FHIT: variants seen among roughly 807,000 people sequenced by gnomAD.
FHIT encodes fragile histidine triad diadenosine triphosphatase.
Under a neutral mutation model 17.9 loss-of-function variants are expected in FHIT, and 19 were observed. The observed-to-expected ratio is 1.06, with a 90% confidence interval of 0.74 to 1.56. FHIT has a LOEUF of 1.56. Ranked by LOEUF, FHIT falls within the 40% of genes most tolerant of loss-of-function variation. FHIT has a pLI of 0.00. For synonymous variants in FHIT, 81 were observed against 69.7 expected (o/e 1.16, Z -0.81); for missense variants, 248 against 189.2 (o/e 1.31, Z -1.82).
intron 5 of FHIT, among the ~76,000 whole-genome samples, chr3:60,243,415 T>C (rs929107711): frequency 2.0e-5 from 3 of 152,048 alleles, no homozygotes; most frequent in Admixed American, 1.3e-4. Context: ...TACTGACAAA[T>C]TAGTATTGTC....
chr3:61,222,647 A>T (rs1488276132), intron 1 of FHIT, among the ~76,000 whole-genome samples: 2 of 152,216 alleles, frequency 1.3e-5, no homozygotes, highest in African/African-American at 2.4e-5. Context: ...GATGAAAAGA[A>T]AAAGAAAGGA....
In FHIT at chr3:59,775,081, G is replaced by A. The variant is rs184737445; in HGVS notation, c.349-22760C>T. 3.9e-3 allele frequency among the ~76,000 whole-genome samples: 592 copies of A among 152,246 alleles called. 3 individuals are homozygous for A. The highest frequency in any genetic ancestry group is 0.013 in the African/African-American group (559 of 41,532). ...GCTCTGGGCTATAATTCCCAGTTTC[G>A]ACTCATGTGCTTATTTGTTCAACAA... On this transcript the variant is annotated intron_variant, in intron 8 of 9. Coordinates refer to ENST00000492590, the MANE Select transcript of FHIT (RefSeq NM_002012.4).
intron 5 of FHIT, among the ~76,000 whole-genome samples, chr3:60,212,232 G>A (rs1703484669): frequency 6.6e-6 from 1 of 152,128 alleles, no homozygotes; most frequent in Admixed American, 6.5e-5. Context: ...TATGGAGCCT[G>A]TTTAAAACAA....
intron 3 of FHIT, among the ~76,000 whole-genome samples, chr3:60,881,545 T>G (rs1704979532): frequency 6.6e-6 from 1 of 152,130 alleles, no homozygotes; most frequent in African/African-American, 2.4e-5. Context: ...AAAATAAGTC[T>G]CGACAAATTT....
chr3:59,832,735 C>A (rs749378229), intron 8 of FHIT, among the ~76,000 whole-genome samples: 2 of 152,166 alleles, frequency 1.3e-5, no homozygotes, highest in African/African-American at 2.4e-5. Context: ...GAGGCTAATA[C>A]ACAAATTTTT....
intron 5 of FHIT, among the ~76,000 whole-genome samples, chr3:60,042,337 T>A (rs1175590388): frequency 6.6e-6 from 1 of 152,232 alleles, no homozygotes; most frequent in African/African-American, 2.4e-5. Flanking sequence ...TTTGTAGGAC[T>A]CTATTAGTTT....
chr3:61,053,100 C>T lies in FHIT; in HGVS notation c.-163-11001G>A, dbSNP rs1453188740. Among the ~76,000 whole-genome samples the T allele has an allele frequency of 2.6e-5, 4 of 152,192 alleles. 1 individual carries two copies. The highest frequency in any genetic ancestry group is 6.8e-3 in the Middle Eastern group (2 of 294). On this transcript the variant is annotated intron_variant, in intron 2 of 9. Coordinates refer to ENST00000492590, the MANE Select transcript of FHIT (RefSeq NM_002012.4). The stretch of plus-strand genomic sequence containing the variant: ...GAATGAGGACTAGAAGCACCAGGTG[C>T]CCCCGCCTCCCATCCACTGCAGGGA...
intron 5 of FHIT, among the ~76,000 whole-genome samples, chr3:60,520,452 A>C (rs991698560): frequency 6.6e-6 from 1 of 152,154 alleles, no homozygotes; most frequent in Non-Finnish European, 1.5e-5. Flanking sequence ...GCTGTGGATG[A>C]AAGAGATTTT....
At chr3:60,314,890 C>A (rs1709098592) in intron 5 of FHIT, among the ~76,000 whole-genome samples, 1 of 151,956 alleles carries the variant, frequency 6.6e-6, no homozygotes, top group Non-Finnish European at 1.5e-5. Context: ...TCAAGAATAG[C>A]CTGGGCAACA....
intron 3 of FHIT, among the ~76,000 whole-genome samples, chr3:60,907,297 C>G (rs1485298914): frequency 2.0e-5 from 3 of 152,170 alleles, no homozygotes; most frequent in Non-Finnish European, 4.4e-5. Context: ...CAATGAGGAA[C>G]AATTGGACAG....
At chr3:60,590,580 T>C (rs181354848) in intron 4 of FHIT, among the ~76,000 whole-genome samples, 1 of 152,288 alleles carries the variant, frequency 6.6e-6, no homozygotes, top group African/African-American at 2.4e-5. Context: ...TAGAGGTGGC[T>C]GCCTTGCAGC....
chr3:60,160,620 T>C (rs1333617107), intron 5 of FHIT, among the ~76,000 whole-genome samples: 1 of 152,156 alleles, frequency 6.6e-6, no homozygotes, highest in African/African-American at 2.4e-5. Flanking sequence ...CTTTTTGTGG[T>C]GAGCATCTGC....
At chr3:60,956,586 A>G (rs1709171596) in intron 3 of FHIT, among the ~76,000 whole-genome samples, 1 of 152,226 alleles carries the variant, frequency 6.6e-6, no homozygotes, top group Admixed American at 6.5e-5. Context: ...GGGGAAAAAG[A>G]ATCTAATTAA....
Position 60,165,005 on chromosome 3 carries a change from G to T in FHIT, c.104-150853C>A, listed in dbSNP as rs114690729. Among the ~76,000 whole-genome samples the T allele has an allele frequency of 3.1e-3, 465 of 152,254 alleles. 3 individuals carry two copies. Among genetic ancestry groups the T allele is most frequent in the African/African-American group, 0.011 (453 of 41,550 alleles). The stretch of plus-strand genomic sequence containing the variant: ...CGCAAAAACAAGTTTTATTCAGATT[G>T]AATTTAATTTCCTAGGCAGTTTAGA... On this transcript the variant is annotated intron_variant, in intron 5 of 9. Coordinates refer to ENST00000492590, the MANE Select transcript of FHIT (RefSeq NM_002012.4).
chr3:61,222,212 G>A (rs764275698), intron 1 of FHIT, among the ~76,000 whole-genome samples: 1 of 152,144 alleles, frequency 6.6e-6, no homozygotes, highest in Non-Finnish European at 1.5e-5. Context: ...CTTCATGGCT[G>A]GCATAATCAC....
chr3:61,205,639 C>G (rs2039201357), intron 1 of FHIT, among the ~76,000 whole-genome samples: 1 of 152,188 alleles, frequency 6.6e-6, no homozygotes, highest in Non-Finnish European at 1.5e-5. Context: ...AGTGTCTGTT[C>G]TTATCCTTTT....
intron 4 of FHIT, among the ~76,000 whole-genome samples, chr3:60,613,026 T>C (rs1169675435): frequency 2.0e-5 from 3 of 152,202 alleles, no homozygotes; most frequent in African/African-American, 7.2e-5. Flanking sequence ...GTGTCATTAT[T>C]TAAATAAAAT....
At chr3:60,772,314 C>CTATATATA (rs61056807) in intron 4 of FHIT, among the ~76,000 whole-genome samples, 261 of 143,204 alleles carry the variant, frequency 1.8e-3, no homozygotes, top group African/African-American at 3.6e-3. Context: ...CACTTCTCAT[C>CTATATATA]TATATATATA....
chr3:60,962,355 G>T (rs1236192925), intron 3 of FHIT, among the ~76,000 whole-genome samples: 1 of 152,114 alleles, frequency 6.6e-6, no homozygotes, highest in African/African-American at 2.4e-5. Flanking sequence ...ATTTCTAAAT[G>T]TACAGTCATG....
Sources: gnomAD v4.1 joint callset for allele counts (sites outside exome capture counted in the v4.1 genomes callset) on GRCh38, gnomAD v4.1.1 for gene constraint, MANE v1.5 for transcripts, NCBI Gene and HGNC (gene_info 2026-07-23, HGNC 2026-07-21) for gene names.